NUDT5: variants seen among roughly 807,000 people sequenced by gnomAD.
NUDT5 encodes the protein nudix hydrolase 5.
NUDT5 carries 21 observed loss-of-function variants against 34.1 expected under a neutral mutation model. The observed-to-expected ratio is 0.62, with a 90% CI of 0.44 to 0.89. NUDT5 has a LOEUF of 0.89. Among genes scored for constraint, NUDT5 ranks in the 40% least tolerant of loss-of-function variants. NUDT5 has a pLI of 0.00. For missense variants in NUDT5, 249 were observed against 274.8 expected, an observed-to-expected ratio of 0.91 and a Z score of 0.66; for synonymous variants, 85 against 97.6, an observed-to-expected ratio of 0.87 and a Z score of 0.76.
intron 1 of NUDT5, among the ~76,000 whole-genome samples, chr10:12,193,997 C>T (rs1835284369): frequency 6.6e-6 from 1 of 152,196 alleles, no homozygotes; most frequent in Non-Finnish European, 1.5e-5. Flanking sequence ...CTGCCTCAGC[C>T]TCCCGAGTAG....
chr10:12,185,322 A>C (rs769153877), intron 2 of NUDT5, among the ~76,000 whole-genome samples: 1 of 152,252 alleles, frequency 6.6e-6, no homozygotes, highest in Non-Finnish European at 1.5e-5. Context: ...ACCTGGGTGC[A>C]TACAACACAG....
At position 12,169,949 on chromosome 10, in the gene NUDT5, C is replaced by A. The variant is rs1834817198; in HGVS notation, c.550+768G>T. 6.6e-6 allele frequency: 4 copies of A among 607,118 alleles called. No individual in the cohort carries two copies. In the South Asian group the frequency reaches 9.1e-5, roughly 14 times the overall value. 37.6% of individuals were successfully genotyped at this position (607,118 alleles called of 1,614,324 possible). The stretch of plus-strand genomic sequence containing the variant: ...AAACACTTATACCCAATAAAATATT[C>A]CCATGATGACAAGTGTCTGCTTCTT... On this transcript the variant is annotated intron_variant, in intron 9 of 9. Transcript: ENST00000491614. The surrounding 1 kb of genome is among the most constrained non-coding windows in gnomAD (Gnocchi z 4.8).
chr10:12,194,245 C>G (rs1835290145), intron 1 of NUDT5, among the ~76,000 whole-genome samples: 2 of 152,240 alleles, frequency 1.3e-5, no homozygotes, highest in African/African-American at 4.8e-5. Context: ...GGGATCTATT[C>G]TCTTCCGTAC....
Position 12,181,920 on chromosome 10 carries a change from C to T in NUDT5, c.132-2788G>A, listed in dbSNP as rs1445278997. ...TTGGGAGGCCAAGGTGGGTGGATCA[C>T]CTGAGGTCAGGAGTTTCAGACCATC... On this transcript the variant is annotated intron_variant, in intron 3 of 9. Coordinates refer to ENST00000491614, the MANE Select transcript of NUDT5 (RefSeq NM_014142.4). The surrounding 1 kb of genome is among the most constrained non-coding windows in gnomAD (Gnocchi z 5.0). 6.6e-6 allele frequency among the ~76,000 whole-genome samples: 1 copy of T among 152,138 alleles called. No individual in the cohort carries two copies. The highest frequency in any genetic ancestry group is 1.5e-5 in the Non-Finnish European group (1 of 68,008).
chr10:12,171,436 A>T lies in NUDT5; in HGVS notation c.488-528T>A, dbSNP rs990629165. ...CATGTTATCGCATGTTTCAGCGTGT[A>T]TGTGTGTTTGTGTGTATACCACACT... On this transcript the variant is annotated intron_variant, in intron 7 of 9. Transcript: ENST00000491614. The surrounding 1 kb of genome is among the most constrained non-coding windows in gnomAD (Gnocchi z 4.2). Among the ~76,000 whole-genome samples the T allele has an allele frequency of 1.6e-4, 24 of 152,282 alleles. No homozygotes were observed. Among genetic ancestry groups the T allele is most frequent in the African/African-American group, 5.1e-4 (21 of 41,560 alleles).
Position 12,170,276 on chromosome 10 carries a change from A to ATTTGTATT in NUDT5, c.550+440_550+441insAATACAAA. On this transcript the variant is annotated intron_variant, in intron 9 of 9. Transcript: ENST00000491614. The surrounding 1 kb of genome is among the most constrained non-coding windows in gnomAD (Gnocchi z 4.9). Reference sequence around the variant, plus strand: ...ATATCACACGGAGTATACAGGAAATACCTCAAGTATTTGTTGAAGGAGCAT... The same window carrying ATTTGTATT: ...ATATCACACGGAGTATACAGGAAATATTTGTATTCCTCAAGTATTTGTTGAAGGAGCAT... 1 of 1,313,512 alleles carries ATTTGTATT rather than the reference A, an allele frequency of 7.6e-7. No individual in the cohort carries two copies. Among genetic ancestry groups the ATTTGTATT allele is most frequent in the Non-Finnish European group, 1.1e-6 (1 of 917,200 alleles). The allele number at this position is 1,313,512 out of a possible 1,614,324, so 81.4% of individuals were successfully genotyped here. A position where few individuals can be genotyped will look rare whatever the true frequency, so the allele number is the denominator to read the frequency against.
rs1371767865 is a variant in NUDT5, at chr10:12,166,075, A to C, written c.*1627T>G. 4 of 152,286 alleles carry C rather than the reference A, an allele frequency of 2.6e-5. No individual in the cohort carries two copies. The highest frequency in any genetic ancestry group is 9.6e-5 in the African/African-American group (4 of 41,478). The allele number at this position is 152,286 out of a possible 1,614,324, so 9.4% of individuals were successfully genotyped here. ...CACAACCTTTTCATGTTTATAAAAA[A>C]TAGAAATGGCATTTAGGGATACATT... On this transcript the variant is annotated 3_prime_UTR_variant, in exon 10 of 10. Coordinates refer to ENST00000491614, the MANE Select transcript of NUDT5 (RefSeq NM_014142.4).
rs539722802 is a variant in NUDT5, at chr10:12,195,463, G to T, written c.-42+307C>A. Among the ~76,000 whole-genome samples the T allele has an allele frequency of 7.9e-5, 12 of 152,272 alleles. No individual in the cohort carries two copies. In the South Asian group the frequency reaches 2.5e-3, roughly 32 times the overall value. On this transcript the variant is annotated intron_variant, in intron 1 of 9. Coordinates refer to ENST00000491614, the MANE Select transcript of NUDT5 (RefSeq NM_014142.4). ...TCCCAAAGTCGAACCCTCCAGGATC[G>T]TACAGGCGGTATTCCCTCTACCAAG...
Position 12,186,222 on chromosome 10 carries a change from G to GT in NUDT5, c.63+6dup. The GT allele has an allele frequency of 6.2e-7, 1 of 1,607,044 alleles. No homozygotes were observed. Among genetic ancestry groups the GT allele is most frequent in the Non-Finnish European group, 8.5e-7 (1 of 1,173,622 alleles). ...GGAGGGAAGGGAAAGTGAAAAACAA[G>GT]TTATACCTCCTCTGAAATGATATAC... On this transcript the variant is annotated splice_region_variant and intron_variant, in intron 2 of 9. Transcript: ENST00000491614.
chr10:12,179,890 C>T (rs888439700), intron 3 of NUDT5, among the ~76,000 whole-genome samples: 11 of 152,082 alleles, frequency 7.2e-5, no homozygotes, highest in African/African-American at 2.4e-4. Context: ...TTTAAAGGGG[C>T]GAGGCATAAA....
intron 1 of NUDT5, among the ~76,000 whole-genome samples, chr10:12,193,485 A>T (rs1175931543): frequency 6.6e-6 from 1 of 152,216 alleles, no homozygotes; most frequent in Non-Finnish European, 1.5e-5. Context: ...CATGCAGGAG[A>T]AAAAGCAAAT....
At chr10:12,174,423 T>TG (rs1182847424) in intron 5 of NUDT5, among the ~76,000 whole-genome samples, 5 of 152,008 alleles carry the variant, frequency 3.3e-5, no homozygotes, top group Non-Finnish European at 7.4e-5. Context: ...CACACCACCA[T>TG]GCTCGGCTAA....
At chr10:12,192,858 A>T (rs1177069676) in intron 1 of NUDT5, among the ~76,000 whole-genome samples, 2 of 152,210 alleles carry the variant, frequency 1.3e-5, no homozygotes, top group African/African-American at 2.4e-5. Context: ...CTCAAAAGAA[A>T]AAAAAAGGAT....
rs904794478 is a variant in NUDT5, at chr10:12,165,942, T to C, written c.*1760A>G. 2.0e-5 allele frequency: 3 copies of C among 152,346 alleles called. No homozygotes were observed. Among genetic ancestry groups the C allele is most frequent in the African/African-American group, 7.2e-5 (3 of 41,570 alleles). The allele number at this position is 152,346 out of a possible 1,614,324, so 9.4% of individuals were successfully genotyped here. ...TTTTTCCCTTAAGAAGGTGGAAATATGGCTTTTAATACATAGGAAACCTTC... is the reference window on the plus strand; with the variant it reads ...TTTTTCCCTTAAGAAGGTGGAAATACGGCTTTTAATACATAGGAAACCTTC... On this transcript the variant is annotated 3_prime_UTR_variant, in exon 10 of 10. Transcript: ENST00000491614.
rs764838536 is a variant in NUDT5 at position 12,175,384 on chromosome 10, G to T, written c.290-1571C>A. 7.9e-5 allele frequency among the ~76,000 whole-genome samples: 12 copies of T among 151,616 alleles called. No individual in the cohort carries two copies. Among genetic ancestry groups the T allele is most frequent in the Non-Finnish European group, 1.8e-4 (12 of 67,864 alleles). On this transcript the variant is annotated intron_variant, in intron 5 of 9. Coordinates refer to ENST00000491614, the MANE Select transcript of NUDT5 (RefSeq NM_014142.4). The surrounding 1 kb of genome is among the most constrained non-coding windows in gnomAD (Gnocchi z 4.8). ...ACTCAGGCTGGGTGTGGTGGCTCACGCCTGTAATCCCAACACTTTGGGAGG... is the reference window on the plus strand; with the variant it reads ...ACTCAGGCTGGGTGTGGTGGCTCACTCCTGTAATCCCAACACTTTGGGAGG...
chr10:12,189,785 T>C (rs76378972), intron 1 of NUDT5, among the ~76,000 whole-genome samples: 3,009 of 152,320 alleles, frequency 0.02, 99 homozygotes, highest in African/African-American at 0.069. Context: ...AAGCAAACTT[T>C]GATATAAATT....
chr10:12,189,894 ATTTTT>A (rs34725302), intron 1 of NUDT5, among the ~76,000 whole-genome samples: 1 of 130,888 alleles, frequency 7.6e-6, no homozygotes. Flanking sequence ...GTGTTCTACA[ATTTTT>A]TTTTTTTTTT....
chr10:12,177,323 T>C (rs569528618), intron 5 of NUDT5, among the ~76,000 whole-genome samples: 1 of 151,582 alleles, frequency 6.6e-6, no homozygotes, highest in East Asian at 2.0e-4. Context: ...ATCGAGACCA[T>C]CCTGGCCAAC....
rs956808098 is a variant in NUDT5 at position 12,169,492 on chromosome 10, C to T, written c.550+1225G>A. Reference sequence around the variant, plus strand: ...AATTATGGTCCGCGGAGCCTCAAACCGAGTCGGGCCTGTGACTCCGAGCTG... The same window carrying T: ...AATTATGGTCCGCGGAGCCTCAAACTGAGTCGGGCCTGTGACTCCGAGCTG... On this transcript the variant is annotated intron_variant, in intron 9 of 9. Coordinates refer to ENST00000491614, the MANE Select transcript of NUDT5 (RefSeq NM_014142.4). The surrounding 1 kb of genome is among the most constrained non-coding windows in gnomAD (Gnocchi z 4.8). The T allele has an allele frequency of 7.3e-6, 4 of 551,260 alleles. No individual in the cohort carries two copies. The highest frequency in any genetic ancestry group is 2.5e-5 in the South Asian group (1 of 39,272). The allele number at this position is 551,260 out of a possible 1,614,324, so 34.1% of individuals were successfully genotyped here. A position where few individuals can be genotyped will look rare whatever the true frequency, so the allele number is the denominator to read the frequency against.
Sources: allele counts gnomAD v4.1 joint callset (sites outside exome capture counted in the v4.1 genomes callset), GRCh38; gene constraint gnomAD v4.1.1; non-coding constraint Gnocchi (gnomAD v3.1); transcripts MANE v1.5; gene names NCBI Gene and HGNC (gene_info 2026-07-23, HGNC 2026-07-21).